TBC1D22A: variants seen among roughly 807,000 people sequenced by gnomAD.
TBC1D22A encodes the protein putative GTPase activator.
TBC1D22A carries 38 observed loss-of-function variants against 60.2 expected under a neutral mutation model. The observed-to-expected ratio is 0.63, with a 90% CI of 0.49 to 0.83. TBC1D22A has a LOEUF of 0.83. Among genes scored for constraint, TBC1D22A ranks in the 40% least tolerant of loss-of-function variants. The pLI, the probability that TBC1D22A is intolerant of heterozygous loss-of-function variation, is 0.00. For synonymous variants in TBC1D22A, 302 were observed against 281.7 expected (o/e 1.07, Z -0.72); for missense variants, 628 against 701.0 (o/e 0.90, Z 1.18).
intron 12 of TBC1D22A, among the ~76,000 whole-genome samples, chr22:47,146,129 T>G (rs1485901785): frequency 7.2e-6 from 1 of 139,450 alleles, no homozygotes; most frequent in South Asian, 2.3e-4. Flanking sequence ...GGATTGCTGG[T>G]CTGTTTGTGC....
At chr22:46,951,301 C>G (rs2072888694) in intron 8 of TBC1D22A, among the ~76,000 whole-genome samples, 1 of 152,176 alleles carries the variant, frequency 6.6e-6, no homozygotes, top group South Asian at 2.1e-4. Flanking sequence ...TAATAATACA[C>G]TGGTTTGCCA....
intron 7 of TBC1D22A, among the ~76,000 whole-genome samples, chr22:46,904,896 T>C (rs2069346482): frequency 6.6e-6 from 1 of 151,688 alleles, no homozygotes; most frequent in Admixed American, 6.6e-5. Context: ...TGCCTCAGCC[T>C]CCTGTGTAGC....
intron 1 of TBC1D22A, among the ~76,000 whole-genome samples, chr22:46,773,147 C>T (rs1445991747): frequency 6.6e-6 from 1 of 152,180 alleles, no homozygotes; most frequent in Non-Finnish European, 1.5e-5. Context: ...CTCTGCCCCT[C>T]CTCAGCTCAG....
intron 8 of TBC1D22A, among the ~76,000 whole-genome samples, chr22:46,932,773 G>GAAGT (rs2071429612): frequency 7.3e-6 from 1 of 137,524 alleles, no homozygotes; most frequent in Non-Finnish European, 1.5e-5. Flanking sequence ...TGCCCAGGCT[G>GAAGT]AAGTGAAGTG....
At chr22:47,151,226 G>A (rs922618922) in intron 12 of TBC1D22A, among the ~76,000 whole-genome samples, 3 of 152,196 alleles carry the variant, frequency 2.0e-5, no homozygotes, top group African/African-American at 4.8e-5. Context: ...ACGCTGCGTG[G>A]TGTGGGGTTC....
At chr22:46,909,210 T>C (rs979907934) in intron 7 of TBC1D22A, among the ~76,000 whole-genome samples, 1 of 152,116 alleles carries the variant, frequency 6.6e-6, no homozygotes, top group African/African-American at 2.4e-5. Flanking sequence ...TGTGTGTGCG[T>C]GCATGTGTGA....
chr22:46,866,330 C>T (rs530934302), intron 4 of TBC1D22A, among the ~76,000 whole-genome samples: 289 of 152,252 alleles, frequency 1.9e-3, no homozygotes, highest in Non-Finnish European at 3.4e-3. Flanking sequence ...GTCTCAAACT[C>T]CTGACCTCAA....
At chr22:46,962,123 A>G (rs1010118154) in intron 8 of TBC1D22A, among the ~76,000 whole-genome samples, 2 of 152,174 alleles carry the variant, frequency 1.3e-5, no homozygotes, top group Non-Finnish European at 2.9e-5. Context: ...GGGTGTCTCT[A>G]GGATCCCAGC....
intron 4 of TBC1D22A, among the ~76,000 whole-genome samples, chr22:46,852,446 A>C (rs11912782): frequency 0.14 from 21,476 of 152,132 alleles, 1,853 homozygotes; most frequent in African/African-American, 0.24. Flanking sequence ...GGCTGAGCAC[A>C]AGCTTATGAG....
chr22:46,907,792 TG>T (rs1190789838), intron 7 of TBC1D22A, among the ~76,000 whole-genome samples: 1 of 152,172 alleles, frequency 6.6e-6, no homozygotes, highest in Non-Finnish European at 1.5e-5. Flanking sequence ...GCCGGGGCAG[TG>T]CGGTGGAGGA....
intron 12 of TBC1D22A, among the ~76,000 whole-genome samples, chr22:47,156,969 G>C (rs1679941031): frequency 6.6e-6 from 1 of 152,230 alleles, no homozygotes; most frequent in South Asian, 2.1e-4. Context: ...TTGTGCATCA[G>C]TGTGGGTTGC....
intron 9 of TBC1D22A, among the ~76,000 whole-genome samples, chr22:46,988,085 A>G (rs1049898118): frequency 6.6e-6 from 1 of 152,194 alleles, no homozygotes; most frequent in African/African-American, 2.4e-5. Flanking sequence ...AAAAGAAAAA[A>G]AAAAAGAAAC....
intron 4 of TBC1D22A, among the ~76,000 whole-genome samples, chr22:46,825,532 G>A (rs1249484950): frequency 6.6e-6 from 1 of 152,198 alleles, no homozygotes; most frequent in Non-Finnish European, 1.5e-5. Context: ...GGAGTGCAGT[G>A]GCACGATCTC....
At chr22:47,123,669 G>A (rs2066353833) in intron 12 of TBC1D22A, among the ~76,000 whole-genome samples, 1 of 152,228 alleles carries the variant, frequency 6.6e-6, no homozygotes, top group Non-Finnish European at 1.5e-5. Flanking sequence ...TTCATCCTGT[G>A]TTCACTGGAA....
chr22:47,038,197 GA>G (rs1331559572), intron 11 of TBC1D22A, among the ~76,000 whole-genome samples: 1 of 152,218 alleles, frequency 6.6e-6, no homozygotes. Context: ...GAGTGCTAAA[GA>G]AAGAAGCGTA....
chr22:46,797,066 G>T (rs1171869023), intron 3 of TBC1D22A, among the ~76,000 whole-genome samples: 4 of 151,974 alleles, frequency 2.6e-5, no homozygotes, highest in Non-Finnish European at 5.9e-5. Flanking sequence ...CCGCACTCAG[G>T]CCTGGCTGAC....
chr22:46,866,375 GATTACAGGTGTGAGCC>G (rs1266060870), intron 4 of TBC1D22A, among the ~76,000 whole-genome samples: 2 of 152,200 alleles, frequency 1.3e-5, no homozygotes, highest in African/African-American at 4.8e-5. Context: ...AAAGTGCTGG[GATTACAGGTGTGAGCC>G]ACCACTCCCG....
chr22:46,810,293 G>C (rs779259641), intron 4 of TBC1D22A, among the ~76,000 whole-genome samples: 3 of 152,162 alleles, frequency 2.0e-5, no homozygotes, highest in African/African-American at 7.2e-5. Flanking sequence ...CTTCGCTCCC[G>C]ACCCTTCTAT....
At chr22:46,968,173 G>A (rs1342620306) in intron 8 of TBC1D22A, among the ~76,000 whole-genome samples, 1 of 152,174 alleles carries the variant, frequency 6.6e-6, no homozygotes, top group Non-Finnish European at 1.5e-5. Context: ...GCCTGGAGTT[G>A]GAGCTGCACA....
Sources: gnomAD v4.1 joint callset for allele counts (sites outside exome capture counted in the v4.1 genomes callset) on GRCh38, gnomAD v4.1.1 for gene constraint, MANE v1.5 for transcripts, NCBI Gene and HGNC (gene_info 2026-07-23, HGNC 2026-07-21) for gene names.